The following HMBOX1 variants were observed in gnomAD, a reference collection of about 807,000 sequenced individuals.
The protein encoded by HMBOX1 is homeobox containing 1.
Under a neutral mutation model 54.5 loss-of-function variants are expected in HMBOX1, and 14 were observed. The observed-to-expected ratio is 0.26, with a 90% CI of 0.17 to 0.40. The LOEUF (loss-of-function observed/expected upper bound fraction) is 0.40, where lower values mean the gene tolerates loss of function less well. Ranked by LOEUF, HMBOX1 falls within the 10% of genes least tolerant of loss-of-function variation. The probability of loss-of-function intolerance (pLI) is 1.00; values close to 1 mark genes in which losing one functional copy is unlikely to be tolerated. For missense variants in HMBOX1, 332 were observed against 514.4 expected (o/e 0.65, Z 3.43); for synonymous variants, 160 against 181.0 (o/e 0.88, Z 0.93).
At chr8:28,945,045 A>G (rs1263497395) in intron 1 of HMBOX1, among the ~76,000 whole-genome samples, 3 of 152,216 alleles carry the variant, frequency 2.0e-5, no homozygotes, top group Admixed American at 6.5e-5. Flanking sequence ...AGTGTTCTCA[A>G]TAAGCCATTC....
At position 29,004,022 on chromosome 8, in the gene HMBOX1, T is replaced by G. The variant is rs553052737; in HGVS notation, c.587-5050T>G. ...GATTGGAAAGGACATGAAAATAATTTTAGGAAGAGAAAGTGATTGTATTTA... is the reference window on the plus strand; with the variant it reads ...GATTGGAAAGGACATGAAAATAATTGTAGGAAGAGAAAGTGATTGTATTTA... On this transcript the variant is annotated intron_variant, in intron 4 of 9. Transcript: ENST00000287701. Among the ~76,000 whole-genome samples, 7 of 152,250 alleles carry G rather than the reference T, an allele frequency of 4.6e-5. No individual in the cohort carries two copies. The South Asian group carries it at 1.2e-3, about 27-fold the overall frequency.
intron 1 of HMBOX1, among the ~76,000 whole-genome samples, chr8:28,918,679 CT>C (rs1321637466): frequency 2.0e-5 from 3 of 152,172 alleles, no homozygotes; most frequent in African/African-American, 7.2e-5. Flanking sequence ...AATGTTTGTG[CT>C]GTATTTGAGT....
intron 7 of HMBOX1, among the ~76,000 whole-genome samples, chr8:29,046,973 C>A (rs1238910669): frequency 6.6e-6 from 1 of 152,108 alleles, no homozygotes; most frequent in African/African-American, 2.4e-5. Flanking sequence ...GAGAATGAGA[C>A]CCTTTCTCAA....
intron 5 of HMBOX1, among the ~76,000 whole-genome samples, chr8:29,014,599 A>G (rs1763498986): frequency 6.6e-6 from 1 of 152,228 alleles, no homozygotes; most frequent in Admixed American, 6.5e-5. Flanking sequence ...AAGTAATGTA[A>G]CATTATGTTT....
intron 3 of HMBOX1, among the ~76,000 whole-genome samples, chr8:28,976,935 C>T (rs1323750138): frequency 6.6e-6 from 1 of 151,996 alleles, no homozygotes; most frequent in East Asian, 1.9e-4. Flanking sequence ...ACTTGAACTC[C>T]TGACCTCAAG....
At chr8:28,920,378 A>T (rs919630643) in intron 1 of HMBOX1, among the ~76,000 whole-genome samples, 2 of 152,130 alleles carry the variant, frequency 1.3e-5, no homozygotes, top group African/African-American at 4.8e-5. Flanking sequence ...TTGCTTATAA[A>T]TTAAAACCCT....
chr8:28,923,570 G>A (rs995632121), intron 1 of HMBOX1, among the ~76,000 whole-genome samples: 3 of 152,076 alleles, frequency 2.0e-5, no homozygotes, highest in Non-Finnish European at 1.5e-5. Context: ...TATTTACATG[G>A]CATTTACATT....
Position 29,051,724 on chromosome 8 carries a change from T to C in HMBOX1, c.*569T>C. 1.5e-6 allele frequency: 1 copy of C among 666,042 alleles called. No individual in the cohort carries two copies. Among genetic ancestry groups the C allele is most frequent in the South Asian group, 1.6e-5 (1 of 63,526 alleles). 41.3% of individuals were successfully genotyped at this position (666,042 alleles called of 1,614,324 possible). On this transcript the variant is annotated 3_prime_UTR_variant, in exon 10 of 10. Coordinates refer to ENST00000287701, the MANE Select transcript of HMBOX1 (RefSeq NM_001135726.3). Reference sequence around the variant, plus strand: ...CACACTGTGGCTAGATTATACTTCTTTGGGTGCTGTGCTAAGAATGTCAAT... The same window carrying C: ...CACACTGTGGCTAGATTATACTTCTCTGGGTGCTGTGCTAAGAATGTCAAT...
At chr8:29,009,545 G>GA in intron 5 of HMBOX1, 1 of 310,604 alleles carries the variant, frequency 3.2e-6, no homozygotes, top group Non-Finnish European at 3.8e-6. Flanking sequence ...TTTTTTTTTT[G>GA]CAAATCTTGT....
chr8:28,982,220 G>A (rs760376813), intron 4 of HMBOX1, among the ~76,000 whole-genome samples: 104 of 152,126 alleles, frequency 6.8e-4, no homozygotes, highest in Non-Finnish European at 9.3e-4. Flanking sequence ...GCGACAGAGC[G>A]AGACTCTGTC....
intron 2 of HMBOX1, among the ~76,000 whole-genome samples, chr8:28,964,112 T>C (rs1232972003): frequency 6.6e-6 from 1 of 152,214 alleles, no homozygotes; most frequent in East Asian, 1.9e-4. Context: ...TCTCTTACCA[T>C]TTCTGTTTTC....
chr8:29,024,302 T>C (rs1167098981), intron 6 of HMBOX1, among the ~76,000 whole-genome samples: 1 of 152,200 alleles, frequency 6.6e-6, no homozygotes, highest in Non-Finnish European at 1.5e-5. Context: ...AGTTAGAGAA[T>C]CTGAGAAAAG....
chr8:29,026,147 TG>T (rs1292642765), intron 6 of HMBOX1, among the ~76,000 whole-genome samples: 7 of 151,896 alleles, frequency 4.6e-5, no homozygotes, highest in Non-Finnish European at 7.4e-5. Flanking sequence ...GCGTGTGTCT[TG>T]GTGCATCATT....
chr8:28,980,022 A>T, intron 3 of HMBOX1, 49 bp from the exon 4 acceptor site: 1 of 1,354,192 alleles, frequency 7.4e-7, no homozygotes, highest in East Asian at 2.3e-5. Context: ...AAAGATGAGG[A>T]TTTCTACCTT....
intron 1 of HMBOX1, among the ~76,000 whole-genome samples, chr8:28,948,524 G>C (rs1347315020): frequency 6.6e-6 from 1 of 152,146 alleles, no homozygotes; most frequent in Non-Finnish European, 1.5e-5. Flanking sequence ...CTTGTCTATG[G>C]CCAGCTATGG....
At chr8:28,986,682 A>G (rs1206275836) in intron 4 of HMBOX1, among the ~76,000 whole-genome samples, 2 of 152,116 alleles carry the variant, frequency 1.3e-5, no homozygotes, top group South Asian at 4.1e-4. Context: ...TCACGTTATA[A>G]TTGTTTTCGC....
In HMBOX1 at chr8:28,954,357, AG is replaced by A. The variant is rs1432171324; in HGVS notation, c.-57-9451del. 6.6e-5 allele frequency among the ~76,000 whole-genome samples: 10 copies of A among 152,136 alleles called. No individual in the cohort carries two copies. In the East Asian group the frequency reaches 1.9e-3, roughly 29 times the overall value. ...TTTTTATTATCCAAATCTGGGCTTA[AG>A]GGTCTTACTAGTTGGTCTATGTAGT... On this transcript the variant is annotated intron_variant, in intron 1 of 9. Coordinates refer to ENST00000287701, the MANE Select transcript of HMBOX1 (RefSeq NM_001135726.3).
intron 3 of HMBOX1, among the ~76,000 whole-genome samples, chr8:28,978,081 A>G (rs1176034464): frequency 6.6e-6 from 1 of 152,200 alleles, no homozygotes; most frequent in Non-Finnish European, 1.5e-5. Context: ...CTTTAGGAAT[A>G]TTTTTGATCA....
At chr8:28,998,302 C>G (rs545277750) in intron 4 of HMBOX1, among the ~76,000 whole-genome samples, 1 of 152,132 alleles carries the variant, frequency 6.6e-6, no homozygotes, top group Admixed American at 6.5e-5. Context: ...GTTTTCAGTT[C>G]TGTCATTTTT....
Sources: gnomAD v4.1 joint callset for allele counts (sites outside exome capture counted in the v4.1 genomes callset) on GRCh38, gnomAD v4.1.1 for gene constraint, MANE v1.5 for transcripts, NCBI Gene and HGNC (gene_info 2026-07-23, HGNC 2026-07-21) for gene names.